LAMA2: variants seen among roughly 807,000 people sequenced by gnomAD.
The protein encoded by LAMA2 is laminin subunit alpha 2.
Under a neutral mutation model 364.8 loss-of-function variants are expected in LAMA2, and 269 were observed. That is an observed-to-expected ratio of 0.74 (90% confidence interval 0.67 to 0.82). LAMA2 has a LOEUF of 0.82. LAMA2 is among the 40% of genes least tolerant of loss of function. The pLI, the probability that LAMA2 is intolerant of heterozygous loss-of-function variation, is 0.00. For synonymous variants in LAMA2, 1,379 were observed against 1,370.6 expected (o/e 1.01, Z -0.14); for missense variants, 3,807 against 3,873.2 (o/e 0.98, Z 0.45).
At chr6:129,347,106 T>C (rs533856584) in intron 30 of LAMA2, among the ~76,000 whole-genome samples, 1 of 152,236 alleles carries the variant, frequency 6.6e-6, no homozygotes, top group East Asian at 1.9e-4. Context: ...TCCTGAGGGC[T>C]AAAAATCTTC....
chr6:129,196,978 C>T (rs1234083663), intron 12 of LAMA2, among the ~76,000 whole-genome samples: 1 of 152,096 alleles, frequency 6.6e-6, no homozygotes, highest in Non-Finnish European at 1.5e-5. Flanking sequence ...ATTACACATT[C>T]CTCATTATAC....
rs146649325 is a variant in LAMA2 at position 129,149,439 on chromosome 6, A to G, written c.1027+343A>G. On this transcript the variant is annotated intron_variant, in intron 7 of 64. Transcript: ENST00000421865. ...CTAGTATGAAGTCCAATTCAACTGAATGCAAATATTAATATTACAGTAAAT... is the reference window on the plus strand; with the variant it reads ...CTAGTATGAAGTCCAATTCAACTGAGTGCAAATATTAATATTACAGTAAAT... Among the ~76,000 whole-genome samples the G allele has an allele frequency of 4.1e-3, 627 of 152,270 alleles. 8 individuals carry two copies. The highest frequency in any genetic ancestry group is 0.013 in the African/African-American group (531 of 41,554).
intron 41 of LAMA2, among the ~76,000 whole-genome samples, chr6:129,429,113 C>G (rs1043941752): frequency 1.3e-5 from 2 of 152,162 alleles, no homozygotes; most frequent in African/African-American, 4.8e-5. Context: ...TCTTCCAGAC[C>G]TTCAGGATTT....
chr6:129,274,550 C>T (rs1788170748), intron 17 of LAMA2, among the ~76,000 whole-genome samples: 1 of 151,766 alleles, frequency 6.6e-6, no homozygotes, highest in Non-Finnish European at 1.5e-5. Context: ...ATTTTGGCTC[C>T]AAATTTCTTA....
chr6:128,898,014 C>T (rs1776873640), intron 1 of LAMA2, among the ~76,000 whole-genome samples: 1 of 152,174 alleles, frequency 6.6e-6, no homozygotes, highest in Admixed American at 6.5e-5. Flanking sequence ...TTCTTTAAAC[C>T]TGATCATCCT....
In LAMA2 at chr6:129,328,345, G is replaced by T; in HGVS notation, c.4244G>T (p.Gly1415Val). ...PGGRTPGPTL[G>V]TCVPCQCNGH... ...GGCCGCACCCCTGGACCAACCCTGG[G>T]CACCTGTGTTCCATGTCAATGTAAT... Residue 1415 changes from glycine (G) to valine (V), a missense_variant, in exon 29 of 65, where the codon GGC becomes GTC. Around this residue, in one of 3 missense-constraint regions of LAMA2, gnomAD observed 3,333 missense variants for 3,345.7 expected, o/e 1.00. Transcript: ENST00000421865. 6.2e-7 allele frequency: 1 copy of T among 1,614,124 alleles called. No homozygotes were observed. Among genetic ancestry groups the T allele is most frequent in the Non-Finnish European group, 8.5e-7 (1 of 1,180,024 alleles).
intron 34 of LAMA2, among the ~76,000 whole-genome samples, chr6:129,373,551 A>G (rs543229291): frequency 1.3e-5 from 2 of 152,190 alleles, no homozygotes; most frequent in South Asian, 2.1e-4. Context: ...ATATTTTTTC[A>G]GTGTTTACTG....
intron 32 of LAMA2, among the ~76,000 whole-genome samples, chr6:129,363,954 T>C (rs186014068): frequency 3.4e-4 from 52 of 152,306 alleles, no homozygotes; most frequent in African/African-American, 1.3e-3. Flanking sequence ...TTCCATGCAG[T>C]GCAAATTTGG....
rs1272772499 is a variant in LAMA2 at position 129,109,347 on chromosome 6, GACT to G, written c.639+10935_639+10937del. Among the ~76,000 whole-genome samples, 5 of 152,166 alleles carry G rather than the reference GACT, an allele frequency of 3.3e-5. No individual in the cohort carries two copies. In the South Asian group the frequency reaches 1.0e-3, roughly 32 times the overall value. ...AAGCATTGTACACGTTTCAGTTTTT[GACT>G]ACGACTTTAATGGTCCACAAGAAAG... On this transcript the variant is annotated intron_variant, in intron 4 of 64. Coordinates refer to ENST00000421865, the MANE Select transcript of LAMA2 (RefSeq NM_000426.4).
At chr6:129,423,719 T>C (rs1781191828) in intron 40 of LAMA2, among the ~76,000 whole-genome samples, 1 of 152,090 alleles carries the variant, frequency 6.6e-6, no homozygotes. Context: ...ATTAAAAATG[T>C]AAAAGACCCC....
In LAMA2 at chr6:129,425,997, G is replaced by A. The variant is rs116369658; in HGVS notation, c.5866-1755G>A. 2.0e-5 allele frequency among the ~76,000 whole-genome samples: 3 copies of A among 151,982 alleles called. No individual in the cohort carries two copies. In the South Asian group the frequency reaches 6.2e-4, roughly 32 times the overall value. On this transcript the variant is annotated intron_variant, in intron 40 of 64. Coordinates refer to ENST00000421865, the MANE Select transcript of LAMA2 (RefSeq NM_000426.4). ...AGGTATTCACACTCCAAGGCACTGG[G>A]GAAAGCTGTTTTCTTTTTTTGTCTA...
chr6:128,959,468 G>A (rs191059543), intron 1 of LAMA2, among the ~76,000 whole-genome samples: 269 of 152,190 alleles, frequency 1.8e-3, no homozygotes, highest in African/African-American at 6.2e-3. Flanking sequence ...ATTGCTTCAT[G>A]GCTCTCAATT....
At chr6:129,295,786 A>T (rs1014685770) in intron 20 of LAMA2, among the ~76,000 whole-genome samples, 8 of 106,088 alleles carry the variant, frequency 7.5e-5, no homozygotes, top group Admixed American at 3.2e-4. Flanking sequence ...TATATGAGTA[A>T]ATGTATATAT....
chr6:128,883,299 G>A lies in LAMA2; in HGVS notation c.54G>A (p.Gly18=), dbSNP rs1582593073. The change falls in exon 1 of 65, where the codon GGG becomes GGA. Residue 18 remains glycine (G), a synonymous_variant. Transcript: ENST00000421865. The stretch of plus-strand genomic sequence containing the variant: ...TTCTGCTGCTCTCCGGAGGCCTCGG[G>A]GGCGTACAGGCGCAGCGGCCGCAGC... The part of the protein sequence containing the change: ...LLLLLLSGGL[G]GVQAQRPQQQ... 2 of 1,591,062 alleles carry A rather than the reference G, an allele frequency of 1.3e-6. No individual in the cohort carries two copies. The highest frequency in any genetic ancestry group is 1.7e-6 in the Non-Finnish European group (2 of 1,169,004).
At chr6:129,392,142 C>A (rs1779357652) in intron 36 of LAMA2, among the ~76,000 whole-genome samples, 1 of 152,190 alleles carries the variant, frequency 6.6e-6, no homozygotes, top group Non-Finnish European at 1.5e-5. Flanking sequence ...ATAATAAACA[C>A]CTAATACTTT....
At chr6:129,263,936 A>C (rs1180883741) in intron 15 of LAMA2, among the ~76,000 whole-genome samples, 2 of 151,762 alleles carry the variant, frequency 1.3e-5, no homozygotes, top group Admixed American at 1.3e-4. Context: ...TAGAGACAAG[A>C]TCTCAATATG....
At chr6:129,482,028 G>A (rs1054469178) in intron 55 of LAMA2, among the ~76,000 whole-genome samples, 16 of 152,136 alleles carry the variant, frequency 1.1e-4, no homozygotes, top group East Asian at 7.7e-4. Context: ...TCAACCAGCC[G>A]GGTGTAGTGG....
At chr6:128,886,535 A>T (rs1776157900) in intron 1 of LAMA2, among the ~76,000 whole-genome samples, 1 of 150,942 alleles carries the variant, frequency 6.6e-6, no homozygotes, top group Non-Finnish European at 1.5e-5. Context: ...GTGTAGATGC[A>T]GAGAAGGGAG....
At chr6:129,351,545 T>G (rs189572802) in intron 31 of LAMA2, among the ~76,000 whole-genome samples, 13 of 152,342 alleles carry the variant, frequency 8.5e-5, no homozygotes, top group Non-Finnish European at 1.3e-4. Context: ...AAGTTCTTGG[T>G]TAAATTTTTA....
Sources: gnomAD v4.1 joint callset for allele counts (sites outside exome capture counted in the v4.1 genomes callset) on GRCh38, gnomAD v4.1.1 for gene constraint, gnomAD v4.1.1 regional missense constraint, MANE v1.5 for transcripts, NCBI Gene and HGNC (gene_info 2026-07-23, HGNC 2026-07-21) for gene names.